CCDC91: variants seen among roughly 807,000 people sequenced by gnomAD.
CCDC91 encodes the protein coiled-coil domain containing 91.
CCDC91 carries 48 observed loss-of-function variants against 63.2 expected under a neutral mutation model. The ratio of observed to expected loss-of-function variants is 0.76; its 90% confidence interval spans 0.60 to 0.97. The LOEUF is 0.97. CCDC91 is among the 50% of genes least tolerant of loss of function. CCDC91 has a pLI of 0.00. For synonymous variants in CCDC91, 167 were observed against 165.8 expected, an observed-to-expected ratio of 1.01 and a Z score of -0.06; for missense variants, 500 against 494.6, an observed-to-expected ratio of 1.01 and a Z score of -0.10.
At chr12:28,538,224 TTATG>T (rs1942337914) in intron 12 of CCDC91, among the ~76,000 whole-genome samples, 1 of 151,226 alleles carries the variant, frequency 6.6e-6, no homozygotes, top group Non-Finnish European at 1.5e-5. Context: ...TCATTTAACA[TTATG>T]TATATCTCCT....
At position 28,220,282 on chromosome 12, in the gene CCDC91, A is replaced by T. The variant is rs1378744790; in HGVS notation, c.-15+29641A>T. ...ATCTTTGCTAATTAATTAATTAATT[A>T]ATTAAATGCTGTAATGTCTACAATA... On this transcript the variant is annotated intron_variant, in intron 1 of 12. Coordinates refer to ENST00000536442, the MANE Select transcript of CCDC91 (RefSeq NM_018318.5). Among the ~76,000 whole-genome samples, 12 of 152,184 alleles carry T rather than the reference A, an allele frequency of 7.9e-5. No individual in the cohort carries two copies. In the East Asian group the frequency reaches 2.3e-3, roughly 29 times the overall value.
intron 8 of CCDC91, among the ~76,000 whole-genome samples, chr12:28,427,236 AT>A (rs1948369189): frequency 6.6e-6 from 1 of 152,134 alleles, no homozygotes; most frequent in Admixed American, 6.6e-5. Context: ...TTTATGTGAG[AT>A]AAAAAGGCTA....
chr12:28,301,351 T>C (rs1230103612), intron 3 of CCDC91, among the ~76,000 whole-genome samples: 1 of 151,634 alleles, frequency 6.6e-6, no homozygotes, highest in African/African-American at 2.4e-5. Context: ...AATTCTGTTA[T>C]TATGGAGTAT....
chr12:28,306,921 A>C lies in CCDC91; in HGVS notation c.447A>C (p.Glu149Asp). The change falls in exon 5 of 13, where the codon GAA becomes GAC. Residue 149 changes from glutamate (E) to aspartate (D), a missense_variant. By Grantham distance (45) the Glu-to-Asp change is conservative (BLOSUM62 2). Coordinates refer to ENST00000536442, the MANE Select transcript of CCDC91 (RefSeq NM_018318.5). ...TGGAGATTAAACTCAAAGTATCTGA[A>C]GAAGAAAAACAGAGAATTAAACAGG... ...SSLEIKLKVSEEEKQRIKQDV... is the reference protein window; with the variant it reads ...SSLEIKLKVSDEEKQRIKQDV... 6.2e-7 allele frequency: 1 copy of C among 1,609,062 alleles called. No homozygotes were observed.
intron 8 of CCDC91, among the ~76,000 whole-genome samples, chr12:28,401,024 G>T (rs918315745): frequency 6.6e-6 from 1 of 151,976 alleles, no homozygotes; most frequent in Non-Finnish European, 1.5e-5. Flanking sequence ...ATCTTCCTCT[G>T]AGCTCTCCAA....
At chr12:28,487,538 C>T (rs1421787184) in intron 12 of CCDC91, among the ~76,000 whole-genome samples, 1 of 151,652 alleles carries the variant, frequency 6.6e-6, no homozygotes, top group African/African-American at 2.4e-5. Context: ...TGTCTGTTTC[C>T]AAAAGACTGA....
intron 6 of CCDC91, among the ~76,000 whole-genome samples, chr12:28,350,328 C>A (rs1271194507): frequency 1.3e-5 from 2 of 151,998 alleles, no homozygotes; most frequent in Non-Finnish European, 2.9e-5. Context: ...AGTTGATATT[C>A]TGTTTAGGAG....
At chr12:28,516,786 C>A (rs1330696797) in intron 12 of CCDC91, among the ~76,000 whole-genome samples, 5 of 151,866 alleles carry the variant, frequency 3.3e-5, no homozygotes, top group African/African-American at 4.8e-5. Context: ...AGGAACCCCC[C>A]TGACATGTCA....
chr12:28,414,316 T>C (rs1182391059), intron 8 of CCDC91, among the ~76,000 whole-genome samples: 2 of 152,152 alleles, frequency 1.3e-5, no homozygotes, highest in Admixed American at 1.3e-4. Flanking sequence ...TCAGATAGTT[T>C]GGATGCCAAG....
chr12:28,424,051 C>G (rs77269679), intron 8 of CCDC91, among the ~76,000 whole-genome samples: 5,531 of 152,180 alleles, frequency 0.036, 146 homozygotes, highest in Middle Eastern at 0.054. Context: ...CCTCAGCCTT[C>G]CAAGTAGCTG....
At chr12:28,509,968 A>G (rs1939188545) in intron 12 of CCDC91, among the ~76,000 whole-genome samples, 1 of 151,924 alleles carries the variant, frequency 6.6e-6, no homozygotes, top group African/African-American at 2.4e-5. Flanking sequence ...CTAGTAATGC[A>G]TCAGTTATCA....
rs75596795 is a variant in CCDC91 at position 28,231,450 on chromosome 12, T to A, written c.-14-25752T>A. Among the ~76,000 whole-genome samples the A allele has an allele frequency of 8.1e-4, 123 of 152,338 alleles. No homozygotes were observed. In the East Asian group the frequency reaches 0.021, roughly 26 times the overall value. ...ATCTTTGTACATCCTTAGTACAGCT[T>A]GTTCCTGTTCATTTGTGACAAGTTG... On this transcript the variant is annotated intron_variant, in intron 1 of 12. Coordinates refer to ENST00000536442, the MANE Select transcript of CCDC91 (RefSeq NM_018318.5).
In CCDC91 at chr12:28,259,470, T is replaced by G. The variant is rs757666763; in HGVS notation, c.109+28T>G. 2.0e-5 allele frequency: 29 copies of G among 1,421,840 alleles called. No homozygotes were observed. In the Admixed American group the frequency reaches 4.6e-4, roughly 23 times the overall value. 88.1% of individuals were successfully genotyped at this position (1,421,840 alleles called of 1,614,324 possible). A position where few individuals can be genotyped will look rare whatever the true frequency, so the allele number is the denominator to read the frequency against. ...ATTGGTATCCAGGAATTAGGGTTTT[T>G]TTTTTTTTTTTTCCCATGTAACATT... On this transcript the variant is annotated intron_variant, in intron 3 of 12. Coordinates refer to ENST00000536442, the MANE Select transcript of CCDC91 (RefSeq NM_018318.5).
At chr12:28,448,819 G>A (rs1949661406) in intron 8 of CCDC91, among the ~76,000 whole-genome samples, 1 of 151,814 alleles carries the variant, frequency 6.6e-6, no homozygotes, top group Admixed American at 6.6e-5. Context: ...CTAATTATTT[G>A]CCTGGTATAA....
In CCDC91 at chr12:28,522,278, A is replaced by C. The variant is rs1329079415; in HGVS notation, c.1216-26785A>C. The stretch of plus-strand genomic sequence containing the variant: ...TGTTATTGGTCTATTCGGGGATTCA[A>C]CTTCTTCCTGGTTTAGTCTTGGGAG... On this transcript the variant is annotated intron_variant, in intron 12 of 12. Transcript: ENST00000536442. Among the ~76,000 whole-genome samples, 3 of 152,128 alleles carry C rather than the reference A, an allele frequency of 2.0e-5. No individual in the cohort carries two copies. The South Asian group carries it at 6.2e-4, about 31-fold the overall frequency.
intron 12 of CCDC91, among the ~76,000 whole-genome samples, chr12:28,502,938 T>G (rs1161137562): frequency 2.7e-5 from 4 of 150,914 alleles, no homozygotes; most frequent in African/African-American, 7.3e-5. Flanking sequence ...TAATTCAAGA[T>G]GGATTAAAGA....
chr12:28,372,851 G>T (rs1263707393), intron 7 of CCDC91, among the ~76,000 whole-genome samples: 1 of 152,058 alleles, frequency 6.6e-6, no homozygotes, highest in East Asian at 1.9e-4. Context: ...CTCTTGGTAG[G>T]ACTTCCAGTA....
chr12:28,485,176 T>C (rs1386608769), intron 12 of CCDC91, among the ~76,000 whole-genome samples: 3 of 151,892 alleles, frequency 2.0e-5, no homozygotes, highest in Admixed American at 6.6e-5. Context: ...TGTTTTTTTT[T>C]GAGACAGAGG....
chr12:28,475,181 T>C (rs1951019424), intron 11 of CCDC91, among the ~76,000 whole-genome samples: 1 of 152,154 alleles, frequency 6.6e-6, no homozygotes, highest in South Asian at 2.1e-4. Flanking sequence ...AAGTATTGAC[T>C]CATTTTTATC....
Sources: allele counts gnomAD v4.1 joint callset (sites outside exome capture counted in the v4.1 genomes callset), GRCh38; gene constraint gnomAD v4.1.1; transcripts MANE v1.5; gene names NCBI Gene and HGNC (gene_info 2026-07-23, HGNC 2026-07-21).